The following PRCP variants were observed in gnomAD, a reference collection of about 807,000 sequenced individuals.
The protein encoded by PRCP is prolylcarboxypeptidase.
Under a neutral mutation model 54.2 loss-of-function variants are expected in PRCP, and 46 were observed. The observed-to-expected ratio is 0.85, with a 90% CI of 0.67 to 1.09. The LOEUF (loss-of-function observed/expected upper bound fraction) is 1.09. Ranked by LOEUF, PRCP falls within the 50% of genes least tolerant of loss-of-function variation. PRCP has a pLI of 0.00. For missense variants in PRCP, 613 were observed against 596.8 expected, an observed-to-expected ratio of 1.03 and a Z score of -0.28; for synonymous variants, 240 against 212.2, an observed-to-expected ratio of 1.13 and a Z score of -1.14.
chr11:82,848,670 A>G (rs1488298982), intron 6 of PRCP, among the ~76,000 whole-genome samples: 1 of 152,230 alleles, frequency 6.6e-6, no homozygotes, highest in Non-Finnish European at 1.5e-5. Flanking sequence ...AGCATCAACC[A>G]TGTATTACAT....
intron 5 of PRCP, 130 bp from the exon 6 acceptor site, chr11:82,849,348 G>C (rs1027817778): frequency 2.1e-5 from 21 of 1,004,842 alleles, no homozygotes; most frequent in East Asian, 2.7e-5. Flanking sequence ...GATATTTTCA[G>C]AGCAACTGGA....
rs370281371 is a variant in PRCP at position 82,860,069 on chromosome 11, G to A, written c.217C>T (p.Leu73=). ...NTVKTFNQRY[L]VADKYWKKNG... is the part of the protein sequence containing the mutation. ...TTCTTCCAGTATTTATCAGCTACTA[G>A]GTACCGCTGATTAAAAGTTTTCACA... Residue 73 remains leucine, a synonymous_variant, in exon 2 of 9, where the codon CTA becomes TTA. Transcript: ENST00000313010. 178 of 1,573,652 alleles carry A rather than the reference G, an allele frequency of 1.1e-4. No homozygotes were observed. Among genetic ancestry groups the A allele is most frequent in the Non-Finnish European group, 1.5e-4 (172 of 1,159,406 alleles).
rs923947042 is a variant in PRCP at position 82,823,643 on chromosome 11, G to A, written c.*1263C>T. Reference sequence around the variant, plus strand: ...GGTGAAGAAAAAAAAATTATTGAGAGAAAATGAAAAGAAACAAGGAGGAAG... The same window carrying A: ...GGTGAAGAAAAAAAAATTATTGAGAAAAAATGAAAAGAAACAAGGAGGAAG... On this transcript the variant is annotated 3_prime_UTR_variant, in exon 9 of 9. Coordinates refer to ENST00000313010, the MANE Select transcript of PRCP (RefSeq NM_005040.4). 2.6e-5 allele frequency: 4 copies of A among 152,038 alleles called. No individual in the cohort carries two copies. The highest frequency in any genetic ancestry group is 4.4e-5 in the Non-Finnish European group (3 of 68,000). The allele number at this position is 152,038 out of a possible 1,614,324, so 9.4% of individuals were successfully genotyped here. A position where few individuals can be genotyped will look rare whatever the true frequency, so the allele number is the denominator to read the frequency against.
At chr11:82,894,478 GCACT>G (rs1228199148) in intron 1 of PRCP, among the ~76,000 whole-genome samples, 1 of 152,138 alleles carries the variant, frequency 6.6e-6, no homozygotes. Context: ...TAAACAGGAG[GCACT>G]CAGTGAACAA....
intron 8 of PRCP, among the ~76,000 whole-genome samples, chr11:82,831,877 C>A (rs544175571): frequency 6.6e-6 from 1 of 152,076 alleles, no homozygotes; most frequent in East Asian, 1.9e-4. Context: ...CCAACCCTCA[C>A]CCCCCGACAG....
chr11:82,829,552 C>T (rs1858326756), intron 8 of PRCP: 3 of 152,208 alleles, frequency 2.0e-5, no homozygotes, highest in Admixed American at 2.0e-4. Flanking sequence ...TTTTCCCTCC[C>T]TATGACATTT....
chr11:82,830,330 T>A (rs568822707), intron 8 of PRCP: 2 of 151,816 alleles, frequency 1.3e-5, no homozygotes, highest in East Asian at 3.9e-4. Context: ...TAATACAATC[T>A]AAAATTGCCT....
intron 8 of PRCP, chr11:82,827,658 T>C (rs1211534471): frequency 1.3e-5 from 2 of 152,354 alleles, no homozygotes; most frequent in Admixed American, 1.3e-4. Context: ...GTATTGACTG[T>C]AGCTTTGTAA....
intron 1 of PRCP, among the ~76,000 whole-genome samples, chr11:82,864,046 T>C (rs1859274159): frequency 6.6e-6 from 1 of 152,254 alleles, no homozygotes; most frequent in Admixed American, 6.5e-5. Context: ...AAAATGCACC[T>C]AATGTACCAG....
chr11:82,875,132 T>C (rs1220244613), intron 1 of PRCP, among the ~76,000 whole-genome samples: 1 of 152,174 alleles, frequency 6.6e-6, no homozygotes, highest in Non-Finnish European at 1.5e-5. Flanking sequence ...GGACTACATG[T>C]AAATAATCTC....
chr11:82,849,539 A>G (rs1490206814), intron 5 of PRCP, among the ~76,000 whole-genome samples: 4 of 152,224 alleles, frequency 2.6e-5, no homozygotes, highest in Non-Finnish European at 4.4e-5. Context: ...GTGCTAAGCA[A>G]AAGACAGTAG....
rs115785949 is a variant in PRCP at position 82,839,557 on chromosome 11, A to C, written c.922-132T>G. ...CTTAAGCTACTAACTGCAGTGTTTA[A>C]TTTCTCTCTTGGGTTTAATCCCCTC... On this transcript the variant is annotated intron_variant, in intron 6 of 8. Transcript: ENST00000313010. 8.8e-4 allele frequency: 857 copies of C among 976,418 alleles called. 8 individuals carry two copies. The African/African-American group carries it at 0.013, about 15-fold the overall frequency. 60.5% of individuals were successfully genotyped at this position (976,418 alleles called of 1,614,324 possible).
intron 2 of PRCP, chr11:82,858,379 C>A (rs772524723): frequency 1.3e-5 from 2 of 152,184 alleles, no homozygotes; most frequent in African/African-American, 2.4e-5. Context: ...TGCCTCTCAA[C>A]AAATTAATGT....
intron 1 of PRCP, among the ~76,000 whole-genome samples, chr11:82,891,056 G>A (rs1425161487): frequency 6.6e-6 from 1 of 152,116 alleles, no homozygotes; most frequent in Non-Finnish European, 1.5e-5. Context: ...CTTCAAATTT[G>A]TATTACTTGC....
chr11:82,888,670 T>C (rs750245125), intron 1 of PRCP, among the ~76,000 whole-genome samples: 4 of 152,200 alleles, frequency 2.6e-5, no homozygotes, highest in Non-Finnish European at 5.9e-5. Flanking sequence ...TAGCCACAGC[T>C]TCCAGACCCC....
At chr11:82,853,633 G>C (rs1051973731) in intron 2 of PRCP, among the ~76,000 whole-genome samples, 1 of 152,126 alleles carries the variant, frequency 6.6e-6, no homozygotes, top group South Asian at 2.1e-4. Flanking sequence ...AAATAAGGAC[G>C]AGGGCCTCTT....
At chr11:82,893,263 C>G (rs1860043935) in intron 1 of PRCP, among the ~76,000 whole-genome samples, 1 of 152,162 alleles carries the variant, frequency 6.6e-6, no homozygotes, top group African/African-American at 2.4e-5. Flanking sequence ...AGCACAGCCC[C>G]CTGCTCATTC....
At chr11:82,854,454 G>A (rs1168586235) in intron 2 of PRCP, among the ~76,000 whole-genome samples, 1 of 152,084 alleles carries the variant, frequency 6.6e-6, no homozygotes, top group Non-Finnish European at 1.5e-5. Flanking sequence ...CCAAGGAAGT[G>A]AATCATCTCT....
chr11:82,848,942 T>C (rs7101888), intron 6 of PRCP, 107 bp downstream of exon 6: 537,195 of 1,155,528 alleles, frequency 0.46, 126,566 homozygotes, highest in African/African-American at 0.58. Flanking sequence ...TGACAAACTC[T>C]GGAGCCCCTT....
Sources: gnomAD v4.1 joint callset for allele counts (sites outside exome capture counted in the v4.1 genomes callset) on GRCh38, gnomAD v4.1.1 for gene constraint, MANE v1.5 for transcripts, NCBI Gene and HGNC (gene_info 2026-07-23, HGNC 2026-07-21) for gene names.